Variants in ZBTB41 observed in about 807,000 individuals in gnomAD.
The protein encoded by ZBTB41 is zinc finger and BTB domain containing 41, also known as zinc finger and BTB domain-containing protein 41.
A neutral mutation model predicts 87.6 loss-of-function variants in ZBTB41; 42 were observed. The observed-to-expected ratio is 0.48, with a 90% CI of 0.37 to 0.62. ZBTB41 has a LOEUF of 0.62. Ranked by LOEUF, ZBTB41 falls within the 20% of genes least tolerant of loss-of-function variation. The probability of loss-of-function intolerance (pLI) is 0.00; values close to 1 mark genes in which losing one functional copy is unlikely to be tolerated. For missense variants in ZBTB41, 799 were observed against 1,078.9 expected (o/e 0.74, Z 3.63); for synonymous variants, 364 against 364.0 (o/e 1.00, Z 0.00).
At chr1:197,198,442 A>G (rs763402530) in intron 2 of ZBTB41, among the ~76,000 whole-genome samples, 6 of 152,184 alleles carry the variant, frequency 3.9e-5, no homozygotes, top group Non-Finnish European at 7.4e-5. Context: ...ACATATGGGG[A>G]TATATTAAAC....
intron 2 of ZBTB41, among the ~76,000 whole-genome samples, chr1:197,197,904 T>C (rs1660209722): frequency 6.6e-6 from 1 of 152,204 alleles, no homozygotes; most frequent in Non-Finnish European, 1.5e-5. Flanking sequence ...CAGTTTGAGA[T>C]ATTTGTGTTG....
chr1:197,168,366 TTG>T (rs532781664), intron 10 of ZBTB41, among the ~76,000 whole-genome samples: 69 of 152,266 alleles, frequency 4.5e-4, no homozygotes, highest in African/African-American at 1.6e-3. Flanking sequence ...GCCAGTATTT[TTG>T]TGTGTGGAAA....
At chr1:197,198,841 A>C (rs1660229030) in intron 2 of ZBTB41, among the ~76,000 whole-genome samples, 1 of 152,156 alleles carries the variant, frequency 6.6e-6, no homozygotes, top group African/African-American at 2.4e-5. Flanking sequence ...CTACAGTATT[A>C]AATTACATTC....
At chr1:197,179,465 C>T (rs1659690632) in intron 6 of ZBTB41, among the ~76,000 whole-genome samples, 1 of 152,008 alleles carries the variant, frequency 6.6e-6, no homozygotes. Context: ...GACTATGTTA[C>T]TGGTATGTAT....
chr1:197,164,741 ATATAT>A (rs1173681185), intron 10 of ZBTB41, among the ~76,000 whole-genome samples: 1 of 120,466 alleles, frequency 8.3e-6, no homozygotes, highest in Non-Finnish European at 1.6e-5. Flanking sequence ...TACGTATCTA[ATATAT>A]TATATATATT....
chr1:197,186,156 A>G (rs1659876460), intron 5 of ZBTB41, among the ~76,000 whole-genome samples: 2 of 152,148 alleles, frequency 1.3e-5, no homozygotes, highest in African/African-American at 4.8e-5. Flanking sequence ...CAGAATACAG[A>G]GCCCAGAAAC....
intron 5 of ZBTB41, among the ~76,000 whole-genome samples, chr1:197,184,411 T>G (rs1358000439): frequency 2.6e-5 from 4 of 152,192 alleles, no homozygotes; most frequent in Admixed American, 2.0e-4. Context: ...AGCTGCTCTA[T>G]CTTCCTTTCC....
chr1:197,159,186 T>C lies in ZBTB41; in HGVS notation c.*173A>G, dbSNP rs1659137970. ...TTCAAATATTATGCCAGAAATTTTGTCCAAATATTCATGTTCAGTAAACAG... is the reference window on the plus strand; with the variant it reads ...TTCAAATATTATGCCAGAAATTTTGCCCAAATATTCATGTTCAGTAAACAG... On this transcript the variant is annotated 3_prime_UTR_variant, in exon 11 of 11. Coordinates refer to ENST00000367405, the MANE Select transcript of ZBTB41 (RefSeq NM_194314.3). 5 of 604,044 alleles carry C rather than the reference T, an allele frequency of 8.3e-6. No individual in the cohort carries two copies. The highest frequency in any genetic ancestry group is 1.4e-5 in the Non-Finnish European group (5 of 361,630). The allele number at this position is 604,044 out of a possible 1,614,324, so 37.4% of individuals were successfully genotyped here.
At chr1:197,191,963 G>C (rs1660047491) in intron 2 of ZBTB41, 64 bp from the exon 3 acceptor site, 2 of 1,358,446 alleles carry the variant, frequency 1.5e-6, no homozygotes. Context: ...TGGAATTTGA[G>C]AGTGGAATAA....
Position 197,159,532 on chromosome 1 carries a change from C to T in ZBTB41, c.2557G>A (p.Asp853Asn), listed in dbSNP as rs1251202687. 9.9e-6 allele frequency: 16 copies of T among 1,613,892 alleles called. No individual in the cohort carries two copies. The highest frequency in any genetic ancestry group is 1.4e-5 in the Non-Finnish European group (16 of 1,179,882). ...GTATATTTTTCCAGAAAAGCTAAAT[C>T]CGCTGCTCGTGGATAATCAGTTGAC... The part of the protein sequence containing the change: ...PQSTDYPRAA[D>N]LAFLEKYTLT... The change falls in exon 11 of 11, where the codon GAT (aspartate) becomes AAT (asparagine). Residue 853 changes from aspartate (D) to asparagine (N), a missense_variant. This residue lies in a region of ZBTB41 where 171 missense variants were observed against 191.9 expected (regional missense o/e 0.89). Coordinates refer to ENST00000367405, the MANE Select transcript of ZBTB41 (RefSeq NM_194314.3).
intron 10 of ZBTB41, among the ~76,000 whole-genome samples, chr1:197,162,248 A>G (rs1334536236): frequency 6.6e-6 from 1 of 152,190 alleles, no homozygotes; most frequent in Non-Finnish European, 1.5e-5. Context: ...ATAGCAGAAA[A>G]GGTGAAAACT....
intron 2 of ZBTB41, among the ~76,000 whole-genome samples, chr1:197,194,136 A>G (rs1660100899): frequency 1.3e-5 from 2 of 152,014 alleles, no homozygotes; most frequent in Admixed American, 1.3e-4. Flanking sequence ...CTCCTGACTC[A>G]GCCTCCTGAG....
chr1:197,170,937 C>A (rs1659462919), intron 10 of ZBTB41, among the ~76,000 whole-genome samples: 1 of 152,078 alleles, frequency 6.6e-6, no homozygotes, highest in Non-Finnish European at 1.5e-5. Context: ...GAGCTAATGT[C>A]CTCAATTTTC....
chr1:197,184,750 A>C (rs2125134611), intron 5 of ZBTB41, among the ~76,000 whole-genome samples: 1 of 152,142 alleles, frequency 6.6e-6, no homozygotes, highest in East Asian at 1.9e-4. Context: ...ATAGTTCTTA[A>C]AGACTTAATG....
At chr1:197,175,230 G>T in intron 8 of ZBTB41, 115 bp from the exon 9 acceptor site, 1 of 823,612 alleles carries the variant, frequency 1.2e-6, no homozygotes, top group Non-Finnish European at 1.8e-6. Context: ...GGAAAGTAAA[G>T]CCACATTTTA....
rs1659068690 is a variant in ZBTB41, at chr1:197,156,344, AC to A, written c.*3014del. Reference sequence around the variant, plus strand: ...AAATCTTTGGTGCATTTAAGTCAAAACCCATTAGATTAACACATTCCTGCAC... The same window carrying A: ...AAATCTTTGGTGCATTTAAGTCAAAACCATTAGATTAACACATTCCTGCAC... On this transcript the variant is annotated 3_prime_UTR_variant, in exon 11 of 11. Transcript: ENST00000367405. 1 of 152,228 alleles carries A rather than the reference AC, an allele frequency of 6.6e-6. No homozygotes were observed. Among genetic ancestry groups the A allele is most frequent in the African/African-American group, 2.4e-5 (1 of 41,418 alleles). 9.4% of individuals were successfully genotyped at this position (152,228 alleles called of 1,614,324 possible).
intron 10 of ZBTB41, among the ~76,000 whole-genome samples, chr1:197,161,852 T>TA (rs1280182409): frequency 2.6e-5 from 4 of 151,860 alleles, no homozygotes; most frequent in South Asian, 4.2e-4. Context: ...ATAATTTTTT[T>TA]AAAAAAAATA....
rs368094115 is a variant in ZBTB41 at position 197,200,372 on chromosome 1, C to T, written c.102G>A (p.Val34=). The T allele has an allele frequency of 1.9e-6, 3 of 1,614,082 alleles. No individual in the cohort carries two copies. The highest frequency in any genetic ancestry group is 2.5e-6 in the Non-Finnish European group (3 of 1,180,004). The change falls in exon 2 of 11, where the codon GTG becomes GTA. Residue 34 remains valine (V), a synonymous_variant. Transcript: ENST00000367405. ...EGNVAVECDQ[V]TYTHSAGRPT... Reference sequence around the variant, plus strand: ...GTCTTCCTGCAGAATGAGTATAGGTCACTTGGTCACACTCCACTGCAACAT... The same window carrying T: ...GTCTTCCTGCAGAATGAGTATAGGTTACTTGGTCACACTCCACTGCAACAT...
At chr1:197,193,401 A>G (rs548981905) in intron 2 of ZBTB41, among the ~76,000 whole-genome samples, 1 of 152,014 alleles carries the variant, frequency 6.6e-6, no homozygotes, top group African/African-American at 2.4e-5. Context: ...AAAAACCAAA[A>G]AAACAAAAAA....
Sources: allele counts gnomAD v4.1 joint callset (sites outside exome capture counted in the v4.1 genomes callset), GRCh38; gene constraint gnomAD v4.1.1; regional missense constraint gnomAD v4.1.1; transcripts MANE v1.5; gene names NCBI Gene and HGNC (gene_info 2026-07-23, HGNC 2026-07-21).